The following SCAI variants were observed in gnomAD, a reference collection of about 807,000 sequenced individuals.
The protein encoded by SCAI is suppressor of cancer cell invasion, also known as protein SCAI.
In SCAI, 24 loss-of-function variants were observed where a neutral mutation model predicts 92.2. The ratio of observed to expected loss-of-function variants is 0.26; its 90% confidence interval spans 0.19 to 0.37. SCAI has a LOEUF of 0.37. Among genes scored for constraint, SCAI ranks in the 10% least tolerant of loss-of-function variants. SCAI has a pLI of 1.00. For synonymous variants in SCAI, 261 were observed against 258.6 expected (o/e 1.01, Z -0.09); for missense variants, 450 against 736.2 (o/e 0.61, Z 4.50).
At chr9:125,139,426 C>A (rs1835614736) in intron 2 of SCAI, among the ~76,000 whole-genome samples, 1 of 150,858 alleles carries the variant, frequency 6.6e-6, no homozygotes, top group African/African-American at 2.5e-5. Context: ...ACAACAACAA[C>A]AAAAACAACA....
chr9:124,983,656 A>G (rs964130186), intron 14 of SCAI, among the ~76,000 whole-genome samples: 2 of 152,210 alleles, frequency 1.3e-5, no homozygotes, highest in African/African-American at 4.8e-5. Context: ...CCCGGCCTAG[A>G]GCTGAGTTGG....
chr9:124,994,135 A>G (rs927784742), intron 14 of SCAI, among the ~76,000 whole-genome samples: 4 of 151,880 alleles, frequency 2.6e-5, no homozygotes, highest in African/African-American at 9.7e-5. Context: ...CCCAGGTTCA[A>G]GTGAGTCTCC....
intron 2 of SCAI, among the ~76,000 whole-genome samples, chr9:125,100,839 A>T (rs1417948841): frequency 6.6e-6 from 1 of 152,226 alleles, no homozygotes; most frequent in Non-Finnish European, 1.5e-5. Flanking sequence ...GAAATGTGGT[A>T]GAAAATTATT....
At chr9:124,988,713 A>G (rs1832048677) in intron 14 of SCAI, among the ~76,000 whole-genome samples, 1 of 152,224 alleles carries the variant, frequency 6.6e-6, no homozygotes, top group African/African-American at 2.4e-5. Flanking sequence ...TGCAATAACG[A>G]AAAAAGTTCT....
intron 3 of SCAI, among the ~76,000 whole-genome samples, chr9:125,053,663 G>A (rs1429540225): frequency 6.6e-6 from 1 of 152,188 alleles, no homozygotes; most frequent in Non-Finnish European, 1.5e-5. Flanking sequence ...TTAGGATTTG[G>A]AAGAATGTAG....
At chr9:125,030,624 G>A (rs759214738) in intron 3 of SCAI, among the ~76,000 whole-genome samples, 12 of 152,162 alleles carry the variant, frequency 7.9e-5, no homozygotes, top group East Asian at 1.9e-4. Flanking sequence ...CTGCAATTGC[G>A]ACTGAGTAGC....
chr9:124,952,181 G>T lies in SCAI; in HGVS notation c.*626C>A, dbSNP rs1455082648. 2 of 152,090 alleles carry T rather than the reference G, an allele frequency of 1.3e-5. No individual in the cohort carries two copies. The highest frequency in any genetic ancestry group is 4.1e-4 in the South Asian group (2 of 4,832). The allele number at this position is 152,090 out of a possible 1,614,324, so 9.4% of individuals were successfully genotyped here. On this transcript the variant is annotated 3_prime_UTR_variant, in exon 18 of 18. Coordinates refer to ENST00000336505, the MANE Select transcript of SCAI (RefSeq NM_001144877.3). ...ATCTCATAATACTCATACATTCCAA[G>T]TAATATTACCACCTCAAGTCCTCAA...
At chr9:125,076,335 C>T (rs903790031) in intron 2 of SCAI, among the ~76,000 whole-genome samples, 3 of 150,334 alleles carry the variant, frequency 2.0e-5, no homozygotes, top group African/African-American at 7.3e-5. Context: ...CCCATTGCTA[C>T]TAAAAATACA....
Position 125,004,765 on chromosome 9 carries a change from ATATATATATATATATTTTTTTTTTTTTTT to A in SCAI, c.862-1224_862-1196del, listed in dbSNP as rs1311095772. ...TATATATATATATATATATATATATATATATATATATATATTTTTTTTTTTTTTTTTTTTTTTTTTGAGATGGAGTTTCA... is the reference window on the plus strand; with the variant it reads ...TATATATATATATATATATATATATATTTTTTTTTTTGAGATGGAGTTTCA... On this transcript the variant is annotated intron_variant, in intron 9 of 17. Coordinates refer to ENST00000336505, the MANE Select transcript of SCAI (RefSeq NM_001144877.3). Among the ~76,000 whole-genome samples the A allele has an allele frequency of 1.6e-3, 12 of 7,312 alleles. 1 individual carries two copies. The highest frequency in any genetic ancestry group is 4.8e-3 in the African/African-American group (12 of 2,526). 4.8% of individuals were successfully genotyped at this position (7,312 alleles called of 152,430 possible).
At chr9:124,997,576 G>A (rs1832265426) in intron 13 of SCAI, among the ~76,000 whole-genome samples, 1 of 152,048 alleles carries the variant, frequency 6.6e-6, no homozygotes, top group Non-Finnish European at 1.5e-5. Flanking sequence ...AAGTTGTTAT[G>A]CTTAGAAAAA....
At chr9:125,014,134 C>G (rs1253984466) in intron 9 of SCAI, among the ~76,000 whole-genome samples, 1 of 152,154 alleles carries the variant, frequency 6.6e-6, no homozygotes, top group Non-Finnish European at 1.5e-5. Flanking sequence ...CAGGGATGCC[C>G]TCTCTCACCA....
chr9:124,957,637 T>G lies in SCAI; in HGVS notation c.1675-4684A>C, dbSNP rs561789259. Among the ~76,000 whole-genome samples the G allele has an allele frequency of 2.5e-3, 381 of 150,604 alleles. 2 individuals carry two copies. Among genetic ancestry groups the G allele is most frequent in the African/African-American group, 8.9e-3 (362 of 40,872 alleles). ...CGCCCGCCTCTGCCTCCCAAAGTGC[T>G]GAGATTAGAGGTGTGAGGTACCGCG... On this transcript the variant is annotated intron_variant, in intron 17 of 17. Transcript: ENST00000336505.
At chr9:125,008,695 T>C (rs1832566809) in intron 9 of SCAI, among the ~76,000 whole-genome samples, 2 of 151,982 alleles carry the variant, frequency 1.3e-5, no homozygotes, top group Admixed American at 1.3e-4. Flanking sequence ...CAGAAAAGAA[T>C]ATAACAGACA....
intron 2 of SCAI, among the ~76,000 whole-genome samples, chr9:125,056,276 G>A (rs1833663862): frequency 1.3e-5 from 2 of 152,070 alleles, no homozygotes; most frequent in African/African-American, 2.4e-5. Context: ...GACCAGCCTG[G>A]CCAACATGGA....
chr9:124,984,998 G>C (rs1232300770), intron 14 of SCAI, among the ~76,000 whole-genome samples: 1 of 152,174 alleles, frequency 6.6e-6, no homozygotes, highest in Non-Finnish European at 1.5e-5. Context: ...TTGAATTTGG[G>C]TTTTGAAGAT....
chr9:125,125,336 C>G (rs1446776816), intron 2 of SCAI, among the ~76,000 whole-genome samples: 1 of 152,130 alleles, frequency 6.6e-6, no homozygotes, highest in Non-Finnish European at 1.5e-5. Flanking sequence ...CCAGACTAGG[C>G]TGGCCAACAT....
intron 17 of SCAI, among the ~76,000 whole-genome samples, chr9:124,970,318 C>A (rs1231319062): frequency 6.6e-6 from 1 of 151,828 alleles, no homozygotes; most frequent in African/African-American, 2.4e-5. Flanking sequence ...TCAGGAATAA[C>A]TGGAAAAAAG....
At chr9:124,960,992 G>A (rs368714149) in intron 17 of SCAI, among the ~76,000 whole-genome samples, 18 of 151,940 alleles carry the variant, frequency 1.2e-4, no homozygotes, top group East Asian at 3.9e-4. Context: ...TTGGTGCACC[G>A]TACTCAGGTG....
chr9:124,985,271 A>G (rs140230818), intron 14 of SCAI, among the ~76,000 whole-genome samples: 200 of 146,554 alleles, frequency 1.4e-3, no homozygotes, highest in African/African-American at 5.1e-3. Flanking sequence ...GATGCTGAGC[A>G]GAAAACAAAA....
Sources: allele counts gnomAD v4.1 joint callset (sites outside exome capture counted in the v4.1 genomes callset), GRCh38; gene constraint gnomAD v4.1.1; transcripts MANE v1.5; gene names NCBI Gene and HGNC (gene_info 2026-07-23, HGNC 2026-07-21).